The following MTCL1 variants were observed in gnomAD, a reference collection of about 807,000 sequenced individuals.
MTCL1 encodes microtubule cross-linking factor 1.
MTCL1 carries 79 observed loss-of-function variants against 141.4 expected under a neutral mutation model. That is an observed-to-expected ratio of 0.56 (90% confidence interval 0.47 to 0.67). The LOEUF (loss-of-function observed/expected upper bound fraction) is 0.67, where lower values mean the gene tolerates loss of function less well. Ranked by LOEUF, MTCL1 falls within the 30% of genes least tolerant of loss-of-function variation. The pLI, the probability that MTCL1 is intolerant of heterozygous loss-of-function variation, is 0.00. For synonymous variants in MTCL1, 914 were observed against 875.8 expected, an observed-to-expected ratio of 1.04 and a Z score of -0.77; for missense variants, 2,177 against 2,113.9, an observed-to-expected ratio of 1.03 and a Z score of -0.59.
intron 12 of MTCL1, among the ~76,000 whole-genome samples, chr18:8,813,476 T>G (rs2076554469): frequency 7.2e-6 from 1 of 139,500 alleles, no homozygotes; most frequent in Admixed American, 7.1e-5. Context: ...CATGTGGTAG[T>G]GGCAGAGCAG....
At chr18:8,786,407 A>G (rs1370523054) in intron 7 of MTCL1, 1 of 571,248 alleles carries the variant, frequency 1.8e-6, no homozygotes, top group South Asian at 1.5e-5. Context: ...CTTCTTGTCC[A>G]GTCGCAGAGA....
At chr18:8,768,968 G>A (rs1568000869) in intron 4 of MTCL1, among the ~76,000 whole-genome samples, 1 of 151,954 alleles carries the variant, frequency 6.6e-6, no homozygotes, top group Non-Finnish European at 1.5e-5. Flanking sequence ...GCTAATTTTT[G>A]TATTTTAGTA....
chr18:8,727,852 TTCTCTC>T (rs71297365), intron 4 of MTCL1, among the ~76,000 whole-genome samples: 1 of 135,382 alleles, frequency 7.4e-6, no homozygotes, highest in Non-Finnish European at 1.5e-5. Flanking sequence ...TGCTTGCTCC[TTCTCTC>T]TCTCTCTCTC....
chr18:8,736,635 ATTTTTTTTTTT>A (rs34650032), intron 4 of MTCL1, among the ~76,000 whole-genome samples: 6 of 117,672 alleles, frequency 5.1e-5, no homozygotes, highest in Non-Finnish European at 8.8e-5. Flanking sequence ...ATATCCATGT[ATTTTTTTTTTT>A]TTTTTTTTTG....
At position 8,822,447 on chromosome 18, in the gene MTCL1, A is replaced by T. The variant is rs544627531; in HGVS notation, c.3188+949A>T. On this transcript the variant is annotated intron_variant, in intron 14 of 16. Transcript: ENST00000359865. This position sits in a 1 kb window ranked among gnomAD's most constrained non-coding sequence, Gnocchi z 4.6. Reference sequence around the variant, plus strand: ...GCTGGGATTACAGGCAAACCCCACCATACCCGGCTAATTTTTGTCTTTTAA... The same window carrying T: ...GCTGGGATTACAGGCAAACCCCACCTTACCCGGCTAATTTTTGTCTTTTAA... 2.0e-5 allele frequency among the ~76,000 whole-genome samples: 3 copies of T among 152,296 alleles called. No homozygotes were observed. Among genetic ancestry groups the T allele is most frequent in the African/African-American group, 7.2e-5 (3 of 41,572 alleles).
At chr18:8,785,467 G>A (rs1330687389) in intron 6 of MTCL1, among the ~76,000 whole-genome samples, 1 of 152,108 alleles carries the variant, frequency 6.6e-6, no homozygotes, top group Non-Finnish European at 1.5e-5. Flanking sequence ...GGCGCGGAGG[G>A]TCTCCGAGGA....
At chr18:8,722,733 T>A (rs1490714568) in intron 4 of MTCL1, among the ~76,000 whole-genome samples, 1 of 152,136 alleles carries the variant, frequency 6.6e-6, no homozygotes, top group African/African-American at 2.4e-5. Context: ...TGGAAGAAGA[T>A]TTGAGTATAA....
At chr18:8,814,109 G>C (rs2076575824) in intron 12 of MTCL1, among the ~76,000 whole-genome samples, 1 of 152,152 alleles carries the variant, frequency 6.6e-6, no homozygotes, top group Admixed American at 6.5e-5. Context: ...TACCCATAGA[G>C]CCTTTTGACA....
chr18:8,785,021 GT>G (rs770562541), intron 6 of MTCL1, among the ~76,000 whole-genome samples, 178 bp downstream of exon 5: 5,573 of 130,182 alleles, frequency 0.043, 213 homozygotes, highest in African/African-American at 0.1. Context: ...CGTTTTTTTT[GT>G]TTTTTTTTTT....
In MTCL1 at chr18:8,706,777, C is replaced by T. The variant is rs545034101; in HGVS notation, c.1053+64C>T. 820 of 1,528,168 alleles carry T rather than the reference C, an allele frequency of 5.4e-4. 2 individuals carry two copies. In the African/African-American group the frequency reaches 9.9e-3, roughly 18 times the overall value. The allele number at this position is 1,528,168 out of a possible 1,614,324, so 94.7% of individuals were successfully genotyped here. ...CCGGAGGGCCTGGCTGCGGCGGGGACCCGCCAACCCCTCCTTCCCGGGCCT... is the reference window on the plus strand; with the variant it reads ...CCGGAGGGCCTGGCTGCGGCGGGGATCCGCCAACCCCTCCTTCCCGGGCCT... On this transcript the variant is annotated intron_variant, in intron 1 of 13. Transcript: ENST00000306329.
At chr18:8,776,160 C>T (rs1033024017) in intron 4 of MTCL1, among the ~76,000 whole-genome samples, 2 of 152,154 alleles carry the variant, frequency 1.3e-5, no homozygotes, top group Non-Finnish European at 2.9e-5. Context: ...CCCTGGACCC[C>T]GAGGTGGAAC....
rs1275784789 is a variant in MTCL1 at position 8,818,951 on chromosome 18, A to T, written c.2860-12A>T. Reference sequence around the variant, plus strand: ...AGTGAGGCTAATTATTTTCATTTTTAAAATTCTCAAGTTGCAGAAAGAGAA... The same window carrying T: ...AGTGAGGCTAATTATTTTCATTTTTTAAATTCTCAAGTTGCAGAAAGAGAA... On this transcript the variant is annotated splice_polypyrimidine_tract_variant and intron_variant, in intron 12 of 16. Transcript: ENST00000359865. 9.4e-6 allele frequency: 15 copies of T among 1,595,298 alleles called. No homozygotes were observed. The highest frequency in any genetic ancestry group is 1.2e-5 in the Non-Finnish European group (14 of 1,168,310).
At chr18:8,793,037 A>G (rs760144331) in exon 8 of MTCL1, 5 of 1,614,124 alleles carry the variant, frequency 3.1e-6, no homozygotes, top group Middle Eastern at 1.7e-4. Flanking sequence ...GAGTGTATCC[A>G]TAGAGGAGCT....
At chr18:8,750,419 A>C (rs1461284052) in intron 4 of MTCL1, among the ~76,000 whole-genome samples, 1 of 152,168 alleles carries the variant, frequency 6.6e-6, no homozygotes, top group Non-Finnish European at 1.5e-5. Flanking sequence ...CCGGTCCTGG[A>C]GGGTGCCCCT....
At chr18:8,752,160 C>T (rs1298972907) in intron 4 of MTCL1, among the ~76,000 whole-genome samples, 2 of 152,120 alleles carry the variant, frequency 1.3e-5, no homozygotes, top group Non-Finnish European at 2.9e-5. Context: ...GAGAAGAGGG[C>T]CAGGTCAGCA....
At chr18:8,809,895 G>A (rs1257421041) in intron 11 of MTCL1, 1 of 349,820 alleles carries the variant, frequency 2.9e-6, no homozygotes, top group Non-Finnish European at 5.3e-6. Flanking sequence ...TGGGAGGCAG[G>A]GCCATGGAGG....
chr18:8,778,891 G>T (rs901389856), intron 5 of MTCL1, among the ~76,000 whole-genome samples: 3 of 152,234 alleles, frequency 2.0e-5, no homozygotes, highest in Non-Finnish European at 4.4e-5. Flanking sequence ...GAACAGCATG[G>T]AGTTGCATTC....
At chr18:8,823,293 A>G (rs537926741) in intron 14 of MTCL1, among the ~76,000 whole-genome samples, 2 of 152,230 alleles carry the variant, frequency 1.3e-5, no homozygotes, top group South Asian at 4.2e-4. Flanking sequence ...ATATCCATCC[A>G]TGCCCCAGAG....
intron 4 of MTCL1, among the ~76,000 whole-genome samples, chr18:8,774,641 C>T (rs1381254445): frequency 3.3e-5 from 5 of 152,156 alleles, no homozygotes; most frequent in Admixed American, 6.5e-5. Flanking sequence ...GCGTAAGCCA[C>T]GACGCCCAGC....
Sources: allele counts gnomAD v4.1 joint callset (sites outside exome capture counted in the v4.1 genomes callset), GRCh38; gene constraint gnomAD v4.1.1; non-coding constraint Gnocchi (gnomAD v3.1); transcripts MANE v1.5; gene names NCBI Gene and HGNC (gene_info 2026-07-23, HGNC 2026-07-21).